Variants in RGS6 observed in about 807,000 individuals in gnomAD.
RGS6 encodes regulator of G-protein signaling 6.
A neutral mutation model predicts 78.5 loss-of-function variants in RGS6; 30 were observed. The ratio of observed to expected loss-of-function variants is 0.38; its 90% confidence interval spans 0.29 to 0.52. RGS6 has a LOEUF of 0.52. Ranked by LOEUF, RGS6 falls within the 20% of genes least tolerant of loss-of-function variation. The probability of loss-of-function intolerance (pLI) is 0.85; values close to 1 mark genes in which losing one functional copy is unlikely to be tolerated. For synonymous variants in RGS6, 206 were observed against 206.0 expected (o/e 1.00, Z 0.00); for missense variants, 495 against 609.7 (o/e 0.81, Z 1.98).
intron 6 of RGS6, among the ~76,000 whole-genome samples, chr14:72,461,309 A>G (rs763330234): frequency 3.9e-5 from 6 of 152,198 alleles, no homozygotes; most frequent in Admixed American, 1.3e-4. Flanking sequence ...AGTAAGATTA[A>G]AATATTTACT....
At chr14:72,122,080 C>T (rs1003266637) in intron 2 of RGS6, among the ~76,000 whole-genome samples, 3 of 152,170 alleles carry the variant, frequency 2.0e-5, no homozygotes, top group African/African-American at 7.2e-5. Flanking sequence ...AGAAGCCCTT[C>T]TCTAGATTAT....
chr14:71,984,822 C>G (rs2094620946), intron 2 of RGS6, among the ~76,000 whole-genome samples: 1 of 152,116 alleles, frequency 6.6e-6, no homozygotes, highest in African/African-American at 2.4e-5. Context: ...AGCCTTCTGC[C>G]AATGAATTTT....
chr14:72,332,258 CAG>C (rs2075213571), intron 2 of RGS6, among the ~76,000 whole-genome samples: 1 of 152,208 alleles, frequency 6.6e-6, no homozygotes, highest in Admixed American at 6.5e-5. Flanking sequence ...AGGAGTTTTG[CAG>C]AGTCCTGAAC....
intron 2 of RGS6, among the ~76,000 whole-genome samples, chr14:72,026,619 G>T (rs900237673): frequency 6.6e-6 from 1 of 152,174 alleles, no homozygotes; most frequent in Admixed American, 6.5e-5. Context: ...GAGCACCCAC[G>T]TGCTGTCAAC....
chr14:72,100,460 A>C (rs2095504965), intron 2 of RGS6, among the ~76,000 whole-genome samples: 1 of 152,140 alleles, frequency 6.6e-6, no homozygotes, highest in South Asian at 2.1e-4. Context: ...GCACGACTGC[A>C]CTCCAGCCTG....
intron 5 of RGS6, 137 bp from the exon 6 acceptor site, chr14:72,459,495 G>A: frequency 2.7e-6 from 2 of 742,206 alleles, no homozygotes; most frequent in Non-Finnish European, 4.6e-6. Context: ...AATTAGAGAA[G>A]AGGAGAGAAT....
At chr14:72,303,533 C>T (rs575798921) in intron 2 of RGS6, among the ~76,000 whole-genome samples, 2 of 152,042 alleles carry the variant, frequency 1.3e-5, no homozygotes, top group Admixed American at 6.6e-5. Flanking sequence ...AAATGAAAAA[C>T]CAGCTTCCCT....
chr14:72,618,592 G>A, the RGS6 span, among the ~76,000 whole-genome samples: 2 of 152,150 alleles, frequency 1.3e-5, no homozygotes, highest in African/African-American at 4.8e-5. Context: ...GGCTATGGCG[G>A]GGCCTTGGCA....
At chr14:72,289,350 ACT>A (rs2063168128) in intron 2 of RGS6, among the ~76,000 whole-genome samples, 1 of 123,102 alleles carries the variant, frequency 8.1e-6, no homozygotes, top group Non-Finnish European at 1.7e-5. Context: ...TCTCTCTCTC[ACT>A]CTCTCTCCCC....
intron 2 of RGS6, among the ~76,000 whole-genome samples, chr14:72,024,062 G>A (rs1423701846): frequency 6.6e-6 from 1 of 152,200 alleles, no homozygotes; most frequent in Non-Finnish European, 1.5e-5. Flanking sequence ...ACTTAGCACT[G>A]TGTCTAGCAC....
chr14:72,360,783 G>T (rs1443099050), intron 3 of RGS6, among the ~76,000 whole-genome samples: 3 of 152,112 alleles, frequency 2.0e-5, no homozygotes, highest in Non-Finnish European at 4.4e-5. Flanking sequence ...GACTGATATG[G>T]TTTGGCTCTG....
At chr14:71,934,124 C>G (rs372275988) in intron 1 of RGS6, among the ~76,000 whole-genome samples, 54 of 152,208 alleles carry the variant, frequency 3.5e-4, no homozygotes, top group African/African-American at 1.3e-3. Context: ...ATGGGTGGGA[C>G]TACTCTGTGA....
chr14:72,205,159 G>A (rs1399369446), intron 2 of RGS6, among the ~76,000 whole-genome samples: 1 of 152,170 alleles, frequency 6.6e-6, no homozygotes, highest in Non-Finnish European at 1.5e-5. Flanking sequence ...GCCTCCCCTG[G>A]ACAGTGTTGA....
At chr14:72,584,603 C>T in the RGS6 span, among the ~76,000 whole-genome samples, 216 of 152,242 alleles carry the variant, frequency 1.4e-3, 1 homozygote, top group East Asian at 5.8e-4. Flanking sequence ...TGCTCAAAGG[C>T]AGTTGGGGAT....
At chr14:72,195,402 C>G (rs1227114778) in intron 2 of RGS6, among the ~76,000 whole-genome samples, 1 of 152,012 alleles carries the variant, frequency 6.6e-6, no homozygotes, top group Non-Finnish European at 1.5e-5. Context: ...ATATACATTT[C>G]AAAGTATCAG....
chr14:71,910,023 A>C, the RGS6 span, among the ~76,000 whole-genome samples: 5 of 152,060 alleles, frequency 3.3e-5, no homozygotes, highest in Admixed American at 2.6e-4. Flanking sequence ...CACTATCTCT[A>C]CTAAAATACA....
the RGS6 span, among the ~76,000 whole-genome samples, chr14:72,576,531 C>A: frequency 6.6e-6 from 1 of 152,176 alleles, no homozygotes; most frequent in African/African-American, 2.4e-5. Flanking sequence ...AAACATAAAC[C>A]CTTTTCTCTG....
upstream of RGS6, among the ~76,000 whole-genome samples, chr14:71,931,301 C>G: frequency 6.6e-6 from 1 of 151,432 alleles, no homozygotes; most frequent in East Asian, 2.0e-4. Flanking sequence ...CACATGTCTG[C>G]TTGTGTGTTA....
At chr14:72,034,467 A>G (rs2091391233) in intron 2 of RGS6, among the ~76,000 whole-genome samples, 2 of 151,340 alleles carry the variant, frequency 1.3e-5, no homozygotes, top group African/African-American at 4.9e-5. Flanking sequence ...GTGGTATATC[A>G]CATTGATTGA....
Sources: allele counts gnomAD v4.1 joint callset (sites outside exome capture counted in the v4.1 genomes callset), GRCh38; gene constraint gnomAD v4.1.1; transcripts MANE v1.5; gene names NCBI Gene and HGNC (gene_info 2026-07-23, HGNC 2026-07-21).